ADGRL3: variants seen among roughly 807,000 people sequenced by gnomAD.
ADGRL3 encodes the protein adhesion G protein-coupled receptor L3, also known as calcium-independent alpha-latrotoxin receptor 3.
In ADGRL3, 62 loss-of-function variants were observed where a neutral mutation model predicts 153.5. The observed-to-expected ratio is 0.40, with a 90% CI of 0.33 to 0.50. The LOEUF is 0.50. Ranked by LOEUF, ADGRL3 falls within the 20% of genes least tolerant of loss-of-function variation. The probability of loss-of-function intolerance (pLI) is 0.47; values close to 1 mark genes in which losing one functional copy is unlikely to be tolerated. For missense variants in ADGRL3, 1,641 were observed against 1,859.4 expected (o/e 0.88, Z 2.16); for synonymous variants, 710 against 672.5 (o/e 1.06, Z -0.86).
intron 2 of ADGRL3, among the ~76,000 whole-genome samples, chr4:61,448,105 A>G (rs2097608905): frequency 6.6e-6 from 1 of 152,194 alleles, no homozygotes; most frequent in Admixed American, 6.6e-5. Flanking sequence ...TCTTTGTTAA[A>G]TCACCAGAAT....
intron 5 of ADGRL3, among the ~76,000 whole-genome samples, chr4:61,605,935 G>A (rs868076220): frequency 3.9e-5 from 6 of 152,106 alleles, no homozygotes; most frequent in African/African-American, 1.4e-4. Flanking sequence ...ACTTAAACAT[G>A]CCTAAAATAG....
intron 2 of ADGRL3, among the ~76,000 whole-genome samples, chr4:61,397,403 A>G (rs566667771): frequency 3.3e-5 from 5 of 152,040 alleles, no homozygotes; most frequent in Non-Finnish European, 5.9e-5. Context: ...AAATAGTCAA[A>G]AAGAAATGAG....
intron 5 of ADGRL3, among the ~76,000 whole-genome samples, chr4:61,615,537 C>T (rs1362905897): frequency 2.0e-5 from 3 of 151,186 alleles, no homozygotes; most frequent in Non-Finnish European, 4.4e-5. Context: ...CGAAGAAGAA[C>T]AGAAGTGTGA....
At chr4:61,810,224 AAG>A (rs1000085403) in intron 8 of ADGRL3, among the ~76,000 whole-genome samples, 1 of 152,142 alleles carries the variant, frequency 6.6e-6, no homozygotes, top group African/African-American at 2.4e-5. Flanking sequence ...ATGCCATTCT[AAG>A]AGAGTCTTGA....
At chr4:61,926,282 G>A (rs1048387712) in intron 13 of ADGRL3, among the ~76,000 whole-genome samples, 2 of 152,070 alleles carry the variant, frequency 1.3e-5, no homozygotes, top group African/African-American at 4.8e-5. Flanking sequence ...TTCAAAGTAG[G>A]CAACCTGAAT....
At chr4:61,559,278 A>G (rs937534236) in intron 4 of ADGRL3, among the ~76,000 whole-genome samples, 3 of 152,116 alleles carry the variant, frequency 2.0e-5, no homozygotes, top group Non-Finnish European at 4.4e-5. Flanking sequence ...TATTCTCTGA[A>G]TAATAAACAA....
intron 2 of ADGRL3, among the ~76,000 whole-genome samples, chr4:61,454,147 C>T (rs2097707328): frequency 6.6e-6 from 1 of 151,554 alleles, no homozygotes; most frequent in Admixed American, 6.6e-5. Flanking sequence ...AGAACTTCAG[C>T]TCTCATGGTT....
chr4:61,229,977 G>T (rs1749868019), intron 1 of ADGRL3, among the ~76,000 whole-genome samples: 1 of 151,814 alleles, frequency 6.6e-6, no homozygotes, highest in Admixed American at 6.6e-5. Flanking sequence ...TGTACTTTAG[G>T]AAAACTTATT....
intron 8 of ADGRL3, among the ~76,000 whole-genome samples, chr4:61,798,740 C>G (rs2097446522): frequency 6.6e-6 from 1 of 151,412 alleles, no homozygotes; most frequent in Admixed American, 6.6e-5. Flanking sequence ...GCCTTAGCCT[C>G]CCGAGTGGCT....
intron 17 of ADGRL3, among the ~76,000 whole-genome samples, chr4:61,965,488 G>A (rs767017839): frequency 1.1e-4 from 16 of 152,042 alleles, no homozygotes; most frequent in Non-Finnish European, 1.9e-4. Context: ...GGTGGCTCAC[G>A]CCTGTAATCC....
At chr4:61,644,248 A>T (rs544515218) in intron 5 of ADGRL3, among the ~76,000 whole-genome samples, 1 of 139,836 alleles carries the variant, frequency 7.2e-6, no homozygotes, top group South Asian at 2.4e-4. Context: ...CAGCTCCTGG[A>T]TTCATTAATT....
intron 4 of ADGRL3, among the ~76,000 whole-genome samples, chr4:61,570,214 A>C (rs1307459344): frequency 6.6e-6 from 1 of 152,026 alleles, no homozygotes; most frequent in African/African-American, 2.4e-5. Flanking sequence ...TATCTTTGCT[A>C]TCTCCCCTGA....
At position 62,073,375 on chromosome 4, in the gene ADGRL3, T is replaced by C. The variant is rs2151944400; in HGVS notation, c.*2467T>C. 2.0e-5 allele frequency: 3 copies of C among 152,238 alleles called. No individual in the cohort carries two copies. In the South Asian group the frequency reaches 6.2e-4, roughly 32 times the overall value. The allele number at this position is 152,238 out of a possible 1,614,324, so 9.4% of individuals were successfully genotyped here. A position where few individuals can be genotyped will look rare whatever the true frequency, so the allele number is the denominator to read the frequency against. ...AAGCGTTAATGATAATTAGGTTTTC[T>C]CACACCACACTATGGCAATATTAGC... On this transcript the variant is annotated 3_prime_UTR_variant, in exon 27 of 27. Coordinates refer to ENST00000683033, the MANE Select transcript of ADGRL3 (RefSeq NM_001387552.1).
intron 8 of ADGRL3, among the ~76,000 whole-genome samples, chr4:61,748,476 T>A (rs1043157946): frequency 6.6e-6 from 1 of 151,662 alleles, no homozygotes; most frequent in African/African-American, 2.4e-5. Flanking sequence ...AAGGCTACAG[T>A]AACCAAAACA....
chr4:61,360,169 G>A (rs2151481082), intron 1 of ADGRL3, among the ~76,000 whole-genome samples: 1 of 152,248 alleles, frequency 6.6e-6, no homozygotes, highest in African/African-American at 2.4e-5. Flanking sequence ...AGGGATCTCA[G>A]AAGATAATAA....
intron 2 of ADGRL3, among the ~76,000 whole-genome samples, chr4:61,476,018 T>C (rs2098043891): frequency 6.6e-6 from 1 of 152,182 alleles, no homozygotes; most frequent in Non-Finnish European, 1.5e-5. Context: ...GGGCATTTCT[T>C]TGGGCTTTGC....
intron 1 of ADGRL3, among the ~76,000 whole-genome samples, chr4:61,263,452 G>T (rs2092666856): frequency 6.9e-6 from 1 of 144,496 alleles, no homozygotes. Context: ...CTTGCATAGA[G>T]TGCATTTGAA....
chr4:62,018,710 C>A (rs557808369), intron 21 of ADGRL3, among the ~76,000 whole-genome samples: 2 of 152,116 alleles, frequency 1.3e-5, no homozygotes, highest in African/African-American at 4.8e-5. Flanking sequence ...GACCTCATTG[C>A]CCCAGCTTTC....
intron 21 of ADGRL3, among the ~76,000 whole-genome samples, chr4:62,003,847 T>C (rs1229871011): frequency 6.6e-6 from 1 of 152,118 alleles, no homozygotes; most frequent in Admixed American, 6.6e-5. Flanking sequence ...GCTCATTTGA[T>C]TAATAAATAG....
Sources: allele counts gnomAD v4.1 joint callset (sites outside exome capture counted in the v4.1 genomes callset), GRCh38; gene constraint gnomAD v4.1.1; transcripts MANE v1.5; gene names NCBI Gene and HGNC (gene_info 2026-07-23, HGNC 2026-07-21).